The following MLXIP variants were observed in gnomAD, a reference collection of about 807,000 sequenced individuals.
MLXIP encodes MLX-interacting protein.
Under a neutral mutation model 87.2 loss-of-function variants are expected in MLXIP, and 30 were observed. The observed-to-expected ratio is 0.34, with a 90% CI of 0.26 to 0.47. The LOEUF is 0.47. MLXIP is among the 20% of genes least tolerant of loss of function. MLXIP has a pLI of 1.00. For synonymous variants in MLXIP, 530 were observed against 514.0 expected, an observed-to-expected ratio of 1.03 and a Z score of -0.42; for missense variants, 1,002 against 1,240.1, an observed-to-expected ratio of 0.81 and a Z score of 2.88.
At chr12:122,096,000 G>A (rs904147063) in intron 1 of MLXIP, among the ~76,000 whole-genome samples, 1 of 152,064 alleles carries the variant, frequency 6.6e-6, no homozygotes, top group Non-Finnish European at 1.5e-5. Flanking sequence ...GAGTAGCTGG[G>A]ACTACAGGCT....
intron 9 of MLXIP, chr12:122,134,677 CTTT>C (rs141853208): frequency 6.8e-5 from 9 of 132,192 alleles, no homozygotes; most frequent in South Asian, 2.4e-4. Context: ...TCTCTATTCT[CTTT>C]TTTTTTTTTT....
At chr12:122,140,721 C>A in intron 15 of MLXIP, 1 of 632,292 alleles carries the variant, frequency 1.6e-6, no homozygotes. Flanking sequence ...TGTCCCCTGC[C>A]TGCTCGGTGC....
At chr12:122,110,003 C>T (rs1021593537) in intron 1 of MLXIP, among the ~76,000 whole-genome samples, 3 of 152,142 alleles carry the variant, frequency 2.0e-5, no homozygotes, top group African/African-American at 7.2e-5. Flanking sequence ...CCCAACGCAT[C>T]CCTGCTCTGG....
intron 1 of MLXIP, among the ~76,000 whole-genome samples, chr12:122,123,996 C>A (rs1001491203): frequency 6.6e-6 from 1 of 152,180 alleles, no homozygotes; most frequent in Non-Finnish European, 1.5e-5. Context: ...TTTGCTTAAA[C>A]GCCACTTCCT....
intron 1 of MLXIP, among the ~76,000 whole-genome samples, chr12:122,124,255 C>T (rs1383269621): frequency 3.1e-5 from 2 of 65,384 alleles, no homozygotes; most frequent in African/African-American, 6.6e-5. Flanking sequence ...ACCTCAGCCG[C>T]CCCCCCGCCC....
Position 122,135,402 on chromosome 12 carries a change from C to G in MLXIP, c.1854+57C>G, listed in dbSNP as rs1953069305. 3 of 1,599,940 alleles carry G rather than the reference C, an allele frequency of 1.9e-6. No homozygotes were observed. The highest frequency in any genetic ancestry group is 1.7e-6 in the Non-Finnish European group (2 of 1,172,498). Reference sequence around the variant, plus strand: ...CCTTCTCACCCCGGAGCACTCTGATCTTGGGCGGCCCTCACCTGAGACGAC... The same window carrying G: ...CCTTCTCACCCCGGAGCACTCTGATGTTGGGCGGCCCTCACCTGAGACGAC... On this transcript the variant is annotated intron_variant, in intron 10 of 16. Coordinates refer to ENST00000319080, the MANE Select transcript of MLXIP (RefSeq NM_014938.6). This position sits in a 1 kb window ranked among gnomAD's most constrained non-coding sequence, Gnocchi z 5.3.
intron 1 of MLXIP, among the ~76,000 whole-genome samples, chr12:122,090,508 A>C (rs1337692100): frequency 2.7e-5 from 4 of 147,970 alleles, no homozygotes; most frequent in African/African-American, 1.0e-4. Context: ...AAAAAAAAAA[A>C]CAAAACAAAA....
At position 122,121,010 on chromosome 12, in the gene MLXIP, G is replaced by GTTTTTTTTTTTTTT. The variant is rs1233404015; in HGVS notation, c.414-6241_414-6228dup. On this transcript the variant is annotated intron_variant, in intron 1 of 16. Transcript: ENST00000319080. ...AGCCCCAGAGCCCTCTGCATGCTTGGTTTTTTTTTTTTTTTTTTGAAACGG... is the reference window on the plus strand; with the variant it reads ...AGCCCCAGAGCCCTCTGCATGCTTGGTTTTTTTTTTTTTTTTTTTTTTTTTTTTTTTTGAAACGG... 3.3e-4 allele frequency among the ~76,000 whole-genome samples: 37 copies of GTTTTTTTTTTTTTT among 111,888 alleles called. 2 individuals are homozygous for GTTTTTTTTTTTTTT. Among genetic ancestry groups the GTTTTTTTTTTTTTT allele is most frequent in the East Asian group, 9.6e-4 (3 of 3,130 alleles). 73.4% of individuals were successfully genotyped at this position (111,888 alleles called of 152,430 possible). A position where few individuals can be genotyped will look rare whatever the true frequency, so the allele number is the denominator to read the frequency against.
At chr12:122,090,487 ACT>A (rs1470414633) in intron 1 of MLXIP, among the ~76,000 whole-genome samples, 6 of 136,128 alleles carry the variant, frequency 4.4e-5, no homozygotes, top group Non-Finnish European at 7.9e-5. Flanking sequence ...ACAGAGCGAG[ACT>A]CTGTCTCAAA....
rs780713270 is a variant in MLXIP, at chr12:122,133,377, C to T, written c.1122C>T (p.Pro374=). 6.3e-7 allele frequency: 1 copy of T among 1,587,136 alleles called. No homozygotes were observed. Among genetic ancestry groups the T allele is most frequent in the African/African-American group, 1.3e-5 (1 of 74,330 alleles). Residue 374 remains proline, a synonymous_variant, in exon 9 of 17, where the codon CCC becomes CCT. Transcript: ENST00000319080. The surrounding 1 kb of genome is among the most constrained non-coding windows in gnomAD (Gnocchi z 4.9). The stretch of plus-strand genomic sequence containing the variant: ...GCATCCTGCCGACCACAGCCCTCCC[C>T]ACTGTGAGCCTTCCTGACAGCCTCA... ...QESILPTTAL[P]TVSLPDSLIA...
intron 1 of MLXIP, among the ~76,000 whole-genome samples, chr12:122,104,200 G>A (rs1343206027): frequency 6.6e-6 from 1 of 152,146 alleles, no homozygotes; most frequent in Non-Finnish European, 1.5e-5. Flanking sequence ...CCTTACAAGT[G>A]TACTGATTTA....
rs1188418127 is a variant in MLXIP, at chr12:122,133,799, C to T, written c.1544C>T (p.Ala515Val). 2 of 1,612,952 alleles carry T rather than the reference C, an allele frequency of 1.2e-6. No individual in the cohort carries two copies. The highest frequency in any genetic ancestry group is 8.5e-7 in the Non-Finnish European group (1 of 1,179,656). Residue 515 changes from alanine (A) to valine (V), a missense_variant, in exon 9 of 17, where the codon GCC becomes GTC. By Grantham distance (64) the Ala-to-Val change is moderately conservative. This residue lies in a region of MLXIP where 746 missense variants were observed against 897.0 expected (regional missense o/e 0.83). Coordinates refer to ENST00000319080, the MANE Select transcript of MLXIP (RefSeq NM_014938.6). This position sits in a 1 kb window ranked among gnomAD's most constrained non-coding sequence, Gnocchi z 4.9. ...QGLVITTHHP[A>V]PSAAPCGLAL... ...CTTGTGATCACCACCCATCACCCTG[C>T]CCCGTCAGCGGCCCCTTGTGGGCTG... is the stretch of plus-strand genomic sequence containing the variant.
intron 1 of MLXIP, among the ~76,000 whole-genome samples, chr12:122,108,197 G>A (rs146398915): frequency 3.3e-5 from 5 of 151,958 alleles, no homozygotes; most frequent in Admixed American, 2.0e-4. Context: ...GTGAAACCTC[G>A]TCTGTACTAA....
Position 122,135,487 on chromosome 12 carries a change from A to G in MLXIP, c.1855-2A>G. ...GGTGACCTGTCTCCCATGTCACTGCAGGCTCCTGGGGTCCCGGAGTTCCAC... is the reference window on the plus strand; with the variant it reads ...GGTGACCTGTCTCCCATGTCACTGCGGGCTCCTGGGGTCCCGGAGTTCCAC... On this transcript the variant is annotated splice_acceptor_variant, in intron 10 of 16. Coordinates refer to ENST00000319080, the MANE Select transcript of MLXIP (RefSeq NM_014938.6). LOFTEE classifies it high-confidence loss of function. The surrounding 1 kb of genome is among the most constrained non-coding windows in gnomAD (Gnocchi z 5.3). 1 of 1,609,644 alleles carries G rather than the reference A, an allele frequency of 6.2e-7. No individual in the cohort carries two copies. Among genetic ancestry groups the G allele is most frequent in the South Asian group, 1.1e-5 (1 of 90,326 alleles).
intron 3 of MLXIP, 75 bp downstream of exon 3, chr12:122,128,043 T>A: frequency 7.6e-7 from 1 of 1,310,180 alleles, no homozygotes; most frequent in Non-Finnish European, 1.1e-6. Context: ...CACCGCGGGC[T>A]GGTCCTGTAG....
Position 122,135,889 on chromosome 12 carries a change from C to T in MLXIP, c.2032+223C>T. 5.4e-6 allele frequency: 3 copies of T among 559,012 alleles called. No individual in the cohort carries two copies. In the South Asian group the frequency reaches 7.8e-5, roughly 14 times the overall value. The allele number at this position is 559,012 out of a possible 1,614,324, so 34.6% of individuals were successfully genotyped here. ...AGGGCAAAAAGTAGTGAACATGTGG[C>T]AGTGTAGGTGACCCGTGTGCTCGGG... On this transcript the variant is annotated intron_variant, in intron 11 of 16. Transcript: ENST00000319080. This position sits in a 1 kb window ranked among gnomAD's most constrained non-coding sequence, Gnocchi z 5.3.
chr12:122,124,330 A>G (rs185784591), intron 1 of MLXIP, among the ~76,000 whole-genome samples: 108 of 1,160 alleles, frequency 0.093, 14 homozygotes, highest in African/African-American at 0.16. Flanking sequence ...CCGTCCCCCC[A>G]CCCTCAGCCG....
intron 1 of MLXIP, among the ~76,000 whole-genome samples, chr12:122,115,572 G>C (rs1471643304): frequency 2.0e-5 from 2 of 100,350 alleles, no homozygotes; most frequent in Admixed American, 2.6e-4. Context: ...TGGGCAACAA[G>C]AGCGAAACTC....
intron 15 of MLXIP, among the ~76,000 whole-genome samples, chr12:122,140,132 A>G (rs1225784046): frequency 6.6e-6 from 1 of 152,178 alleles, no homozygotes; most frequent in Non-Finnish European, 1.5e-5. Flanking sequence ...CATACTCCCC[A>G]TCATCAGGCC....
Sources: gnomAD v4.1 joint callset for allele counts (sites outside exome capture counted in the v4.1 genomes callset) on GRCh38, gnomAD v4.1.1 for gene constraint, gnomAD v4.1.1 regional missense constraint, Gnocchi (gnomAD v3.1) non-coding constraint, MANE v1.5 for transcripts, NCBI Gene and HGNC (gene_info 2026-07-23, HGNC 2026-07-21) for gene names.